SP140: variants seen among roughly 807,000 people sequenced by gnomAD.
The protein encoded by SP140 is SP140 nuclear body protein.
Under a neutral mutation model 125.0 loss-of-function variants are expected in SP140, and 81 were observed. The observed-to-expected ratio is 0.65, with a 90% CI of 0.54 to 0.78. The LOEUF (loss-of-function observed/expected upper bound fraction) is 0.78, where lower values mean the gene tolerates loss of function less well. Among genes scored for constraint, SP140 ranks in the 30% least tolerant of loss-of-function variants. SP140 has a pLI of 0.00. For missense variants in SP140, 858 were observed against 1,037.0 expected (o/e 0.83, Z 2.37); for synonymous variants, 312 against 354.0 (o/e 0.88, Z 1.33).
chr2:230,245,119 A>G, intron 6 of SP140, 39 bp downstream of exon 6: 1 of 1,396,102 alleles, frequency 7.2e-7, no homozygotes, highest in Non-Finnish European at 1.0e-6. Flanking sequence ...TCATTAAATT[A>G]GTTGGCCTAT....
chr2:230,313,840 A>G (rs2059461049), downstream of SP140, among the ~76,000 whole-genome samples: 1 of 152,222 alleles, frequency 6.6e-6, no homozygotes, highest in South Asian at 2.1e-4. Flanking sequence ...GCAGGTCAAG[A>G]GGTAAAATAG....
intron 1 of SP140, among the ~76,000 whole-genome samples, chr2:230,206,970 T>C (rs2043933135): frequency 6.6e-6 from 1 of 152,108 alleles, no homozygotes; most frequent in Non-Finnish European, 1.5e-5. Context: ...GGTCTTTCCC[T>C]AGGTATTTAT....
At chr2:230,238,986 T>C (rs373295218) in intron 3 of SP140, 24 of 1,497,274 alleles carry the variant, frequency 1.6e-5, no homozygotes, top group Non-Finnish European at 2.0e-5. Flanking sequence ...GAAGTTGAAG[T>C]GGATTCTGGA....
intron 22 of SP140, among the ~76,000 whole-genome samples, chr2:230,298,391 C>T (rs762139687): frequency 1.9e-4 from 29 of 152,304 alleles, no homozygotes; most frequent in South Asian, 4.2e-4. Flanking sequence ...TAGTTTTATA[C>T]ACACCTTACC....
At chr2:230,241,257 T>C in intron 3 of SP140, 147 bp from the exon 4 acceptor site, 1 of 648,736 alleles carries the variant, frequency 1.5e-6, no homozygotes, top group South Asian at 1.7e-5. Flanking sequence ...GATATGTGCC[T>C]CTCAATGAAA....
Position 230,244,195 on chromosome 2 carries a change from C to T in SP140, c.571+384C>T, listed in dbSNP as rs183134121. On this transcript the variant is annotated intron_variant, in intron 5 of 26. Coordinates refer to ENST00000392045, the MANE Select transcript of SP140 (RefSeq NM_007237.5). Reference sequence around the variant, plus strand: ...ATGATAATTTTTGCCAAATATTTTCCATTGTGTTACTATCTTATCTAGTTA... The same window carrying T: ...ATGATAATTTTTGCCAAATATTTTCTATTGTGTTACTATCTTATCTAGTTA... 2.0e-4 allele frequency among the ~76,000 whole-genome samples: 31 copies of T among 152,262 alleles called. No homozygotes were observed. The East Asian group carries it at 4.4e-3, about 22-fold the overall frequency.
chr2:230,232,173 A>G (rs2047354576), intron 1 of SP140, among the ~76,000 whole-genome samples: 1 of 152,188 alleles, frequency 6.6e-6, no homozygotes, highest in South Asian at 2.1e-4. Context: ...TCTTGCCAGA[A>G]GGATAAAGAG....
intron 1 of SP140, among the ~76,000 whole-genome samples, chr2:230,206,574 A>T (rs2043828845): frequency 7.7e-6 from 1 of 129,358 alleles, no homozygotes; most frequent in African/African-American, 2.8e-5. Flanking sequence ...TCCAGATATT[A>T]TATATTATCT....
the SP140 span, among the ~76,000 whole-genome samples, chr2:230,195,795 GA>G: frequency 2.6e-5 from 4 of 151,894 alleles, no homozygotes; most frequent in Non-Finnish European, 5.9e-5. Context: ...GAGCAGGACT[GA>G]AAAAAACTGT....
Position 230,208,057 on chromosome 2 carries a change from T to C in SP140, c.-323+4778T>C. 1 of 1,505,846 alleles carries C rather than the reference T, an allele frequency of 6.6e-7. No individual in the cohort carries two copies. The highest frequency in any genetic ancestry group is 9.2e-7 in the Non-Finnish European group (1 of 1,084,128). The allele number at this position is 1,505,846 out of a possible 1,614,324, so 93.3% of individuals were successfully genotyped here. ...GACCAGATACATCTTTTTCTTTTCT[T>C]TCCTAAAAAGAAAGGATAATGTTTT... On this transcript the variant is annotated intron_variant, in intron 1 of 4. Coordinates refer to the SP140 transcript ENST00000456542.
chr2:230,273,443 A>T (rs925882611), intron 15 of SP140, among the ~76,000 whole-genome samples: 4 of 152,238 alleles, frequency 2.6e-5, no homozygotes, highest in Non-Finnish European at 5.9e-5. Context: ...GTCTAAAAAC[A>T]ACAGATACTG....
chr2:230,243,018 A>T (rs984640966), intron 4 of SP140, among the ~76,000 whole-genome samples: 1 of 152,194 alleles, frequency 6.6e-6, no homozygotes. Context: ...AGGATTAAAT[A>T]AATGGGTTTT....
At chr2:230,213,534 G>C (rs1305438008) in intron 1 of SP140, 2 of 166,552 alleles carry the variant, frequency 1.2e-5, no homozygotes, top group African/African-American at 4.8e-5. Flanking sequence ...CCTGTGATCT[G>C]GTCACACCCA....
At chr2:230,308,666 G>A (rs1412814679) in intron 22 of SP140, among the ~76,000 whole-genome samples, 2 of 152,244 alleles carry the variant, frequency 1.3e-5, no homozygotes, top group African/African-American at 2.4e-5. Flanking sequence ...GAGTGTGATT[G>A]GCTTGTTTGA....
Position 230,241,384 on chromosome 2 carries a change from T to G in SP140, c.407-20T>G. On this transcript the variant is annotated intron_variant, in intron 3 of 26. Transcript: ENST00000392045. ...CTGGTCACTGTCTGAGTTTGGTAATTTTCACATTGTTTTCCTCAGTATGCT... is the reference window on the plus strand; with the variant it reads ...CTGGTCACTGTCTGAGTTTGGTAATGTTCACATTGTTTTCCTCAGTATGCT... The G allele has an allele frequency of 6.7e-7, 1 of 1,498,730 alleles. No individual in the cohort carries two copies. The highest frequency in any genetic ancestry group is 9.3e-7 in the Non-Finnish European group (1 of 1,075,278). 92.8% of individuals were successfully genotyped at this position (1,498,730 alleles called of 1,614,324 possible).
At chr2:230,197,814 A>G in the SP140 span, among the ~76,000 whole-genome samples, 1 of 152,028 alleles carries the variant, frequency 6.6e-6, no homozygotes, top group Non-Finnish European at 1.5e-5. Context: ...CTTTCCCCAT[A>G]TAATTTTCTT....
intron 1 of SP140, among the ~76,000 whole-genome samples, chr2:230,226,884 A>C (rs2046496599): frequency 6.6e-6 from 1 of 152,186 alleles, no homozygotes; most frequent in African/African-American, 2.4e-5. Flanking sequence ...TAAAAACATA[A>C]ATAACAACAA....
chr2:230,285,598 A>T (rs570695239), intron 16 of SP140, among the ~76,000 whole-genome samples, 154 bp from the exon 17 acceptor site: 1 of 152,314 alleles, frequency 6.6e-6, no homozygotes, highest in South Asian at 2.1e-4. Flanking sequence ...TGTGTAACTT[A>T]AAAGTCGACA....
upstream of SP140, chr2:230,221,583 T>C: frequency 1.0e-6 from 1 of 996,830 alleles, no homozygotes; most frequent in Non-Finnish European, 1.5e-6. Flanking sequence ...AATTCAATGC[T>C]AACAGCTGAG....
Sources: allele counts gnomAD v4.1 joint callset (sites outside exome capture counted in the v4.1 genomes callset), GRCh38; gene constraint gnomAD v4.1.1; transcripts MANE v1.5; gene names NCBI Gene and HGNC (gene_info 2026-07-23, HGNC 2026-07-21).